CPNE3: variants seen among roughly 807,000 people sequenced by gnomAD.
The protein encoded by CPNE3 is copine-3.
In CPNE3, 68 loss-of-function variants were observed where a neutral mutation model predicts 63.9. The ratio of observed to expected loss-of-function variants is 1.06; its 90% CI spans 0.87 to 1.30. The LOEUF (loss-of-function observed/expected upper bound fraction) is 1.30, where lower values mean the gene tolerates loss of function less well. CPNE3 is among the 50% of genes most tolerant of loss of function. The probability of loss-of-function intolerance (pLI) is 0.00; values close to 1 mark genes in which losing one functional copy is unlikely to be tolerated. For missense variants in CPNE3, 665 were observed against 578.1 expected (o/e 1.15, Z -1.54); for synonymous variants, 219 against 197.5 (o/e 1.11, Z -0.91).
Position 86,559,471 on chromosome 8 carries a change from T to C in CPNE3, c.*1061T>C, listed in dbSNP as rs1264883834. The stretch of plus-strand genomic sequence containing the variant: ...TTTCATCTGATTTTTAAACTCACGA[T>C]ACCAGTTATCTGTTAATCAAAATTG... On this transcript the variant is annotated 3_prime_UTR_variant, in exon 17 of 17. Coordinates refer to ENST00000517490, the MANE Select transcript of CPNE3 (RefSeq NM_003909.5). 1 of 152,236 alleles carries C rather than the reference T, an allele frequency of 6.6e-6. No homozygotes were observed. The highest frequency in any genetic ancestry group is 2.4e-5 in the African/African-American group (1 of 41,464). 9.4% of individuals were successfully genotyped at this position (152,236 alleles called of 1,614,324 possible). A position where few individuals can be genotyped will look rare whatever the true frequency, so the allele number is the denominator to read the frequency against.
rs373046655 is a variant in CPNE3 at position 86,528,656 on chromosome 8, A to T, written c.111A>T (p.Thr37=). The T allele has an allele frequency of 1.9e-6, 3 of 1,613,460 alleles. No individual in the cohort carries two copies. The highest frequency in any genetic ancestry group is 2.2e-5 in the South Asian group (2 of 90,974). ...SDPLCVLFLN[T]SGQQWYEVER... The stretch of plus-strand genomic sequence containing the variant: ...CTTTATGTGTGTTGTTTTTGAATAC[A>T]AGTGGTCAACAGTGGTATGAGGTAA... Residue 37 remains threonine (T), a synonymous_variant, in exon 3 of 17, where the codon ACA becomes ACT. Transcript: ENST00000517490.
At chr8:86,517,261 A>G (rs1469375943) in intron 2 of CPNE3, among the ~76,000 whole-genome samples, 1 of 152,226 alleles carries the variant, frequency 6.6e-6, no homozygotes, top group African/African-American at 2.4e-5. Context: ...TTAGGTGGAT[A>G]GCATATTAGT....
chr8:86,525,036 G>A (rs1820513179), intron 2 of CPNE3: 1 of 152,084 alleles, frequency 6.6e-6, no homozygotes, highest in African/African-American at 2.4e-5. Flanking sequence ...TGTGTTTTTA[G>A]TAGAGACGGG....
chr8:86,536,380 T>C (rs1323313691), intron 6 of CPNE3, among the ~76,000 whole-genome samples: 1 of 150,824 alleles, frequency 6.6e-6, no homozygotes, highest in African/African-American at 2.4e-5. Flanking sequence ...TTAATTATTG[T>C]TTTAGTTCTA....
chr8:86,558,404 G>A lies in CPNE3; in HGVS notation c.1608G>A (p.Lys536=), dbSNP rs1318018532. ...AGAACCCAGCCACGAAACAACAGAA[G>A]CAGTGACCACTTCAACAGAATTCTT... The part of the protein sequence containing the change: ...PPKNPATKQQ[K]Q The change falls in exon 17 of 17, where the codon AAG becomes AAA. Residue 536 remains lysine (K), a synonymous_variant. Coordinates refer to ENST00000517490, the MANE Select transcript of CPNE3 (RefSeq NM_003909.5). 1.1e-6 allele frequency: 1 copy of A among 872,944 alleles called. No individual in the cohort carries two copies. Among genetic ancestry groups the A allele is most frequent in the Admixed American group, 1.7e-5 (1 of 59,192 alleles). 54.1% of individuals were successfully genotyped at this position (872,944 alleles called of 1,614,324 possible). A position where few individuals can be genotyped will look rare whatever the true frequency, so the allele number is the denominator to read the frequency against.
At chr8:86,544,892 T>A in intron 9 of CPNE3, 54 bp downstream of exon 9, 1 of 1,097,156 alleles carries the variant, frequency 9.1e-7, no homozygotes, top group Admixed American at 2.3e-5. Flanking sequence ...ATGTATTTAT[T>A]ACTGTATTTC....
chr8:86,552,099 G>A (rs1026407974), intron 14 of CPNE3, among the ~76,000 whole-genome samples: 2 of 152,238 alleles, frequency 1.3e-5, no homozygotes, highest in East Asian at 1.9e-4. Flanking sequence ...AGAAGGCAAG[G>A]TAGGTGTGGG....
Position 86,546,596 on chromosome 8 carries a change from T to C in CPNE3, c.734T>C (p.Val245Ala). The C allele has an allele frequency of 1.2e-6, 2 of 1,611,952 alleles. No homozygotes were observed. The highest frequency in any genetic ancestry group is 1.7e-6 in the Non-Finnish European group (2 of 1,179,480). Residue 245 changes from valine to alanine, a missense_variant and splice_region_variant, in exon 10 of 17, where the codon GTT (valine) becomes GCT (alanine). Val to Ala is a moderately conservative substitution (Grantham distance 64). Transcript: ENST00000517490. ...KLKEASRSSP[V>A]EFECINEKKR... ...CATTTTTGTCTTCTCTTCCTACAGG[T>C]TGAATTTGAATGCATAAATGAGAAA...
At chr8:86,522,768 T>G (rs1820464359) in intron 2 of CPNE3, among the ~76,000 whole-genome samples, 1 of 151,954 alleles carries the variant, frequency 6.6e-6, no homozygotes. Flanking sequence ...AGAAAGAACT[T>G]CTGAGAATTT....
chr8:86,529,666 A>G (rs1013268979), intron 4 of CPNE3, among the ~76,000 whole-genome samples: 16 of 152,126 alleles, frequency 1.1e-4, no homozygotes, highest in African/African-American at 2.7e-4. Flanking sequence ...TAGTTGCTTA[A>G]TTATCTGTCT....
chr8:86,546,966 C>T (rs1409392170), intron 10 of CPNE3, among the ~76,000 whole-genome samples: 3 of 152,146 alleles, frequency 2.0e-5, no homozygotes, highest in Non-Finnish European at 4.4e-5. Context: ...ACCTTGGCCT[C>T]CCAAAGTGCT....
intron 7 of CPNE3, among the ~76,000 whole-genome samples, chr8:86,538,203 C>T (rs1281114134): frequency 2.6e-5 from 4 of 152,124 alleles, no homozygotes; most frequent in African/African-American, 4.8e-5. Flanking sequence ...GGTGAAACCC[C>T]GTCTCTACTA....
intron 16 of CPNE3, among the ~76,000 whole-genome samples, chr8:86,556,895 T>G (rs746919678): frequency 6.6e-6 from 1 of 152,200 alleles, no homozygotes; most frequent in African/African-American, 2.4e-5. Context: ...TTCAAGAATA[T>G]CATATAAATG....
At chr8:86,551,625 G>A (rs1821181085) in intron 14 of CPNE3, 1 of 156,956 alleles carries the variant, frequency 6.4e-6, no homozygotes, top group Admixed American at 6.4e-5. Flanking sequence ...TTGATATACA[G>A]ATCTTTTGAA....
intron 8 of CPNE3, among the ~76,000 whole-genome samples, chr8:86,541,979 A>G (rs886751737): frequency 6.6e-6 from 1 of 152,202 alleles, no homozygotes; most frequent in African/African-American, 2.4e-5. Context: ...CTAAGCCATA[A>G]CTATTTGATT....
chr8:86,532,641 A>T, intron 6 of CPNE3, 61 bp downstream of exon 6: 1 of 1,420,626 alleles, frequency 7.0e-7, no homozygotes, highest in Non-Finnish European at 9.8e-7. Flanking sequence ...TTAAGAAAAT[A>T]AAAATGCAGT....
chr8:86,541,666 A>C (rs1326753598), intron 8 of CPNE3, among the ~76,000 whole-genome samples: 1 of 150,056 alleles, frequency 6.7e-6, no homozygotes, highest in East Asian at 2.0e-4. Context: ...ATTGCTTCAC[A>C]CTGCACTCCA....
chr8:86,546,126 A>G (rs1294420121), intron 9 of CPNE3, among the ~76,000 whole-genome samples: 1 of 152,040 alleles, frequency 6.6e-6, no homozygotes, highest in Non-Finnish European at 1.5e-5. Context: ...TGCATATTTT[A>G]CCATAGAGTT....
chr8:86,524,291 C>T (rs748445715), intron 2 of CPNE3, among the ~76,000 whole-genome samples: 11 of 152,112 alleles, frequency 7.2e-5, no homozygotes, highest in African/African-American at 7.2e-5. Flanking sequence ...ATGGGAATGA[C>T]CAGATGCCTT....
Sources: gnomAD v4.1 joint callset for allele counts (sites outside exome capture counted in the v4.1 genomes callset) on GRCh38, gnomAD v4.1.1 for gene constraint, MANE v1.5 for transcripts, NCBI Gene and HGNC (gene_info 2026-07-23, HGNC 2026-07-21) for gene names.